Variants in MCUB observed in about 807,000 individuals in gnomAD.
MCUB encodes the protein mitochondrial calcium uniporter dominant negative subunit beta.
A neutral mutation model predicts 41.4 loss-of-function variants in MCUB; 46 were observed. The observed-to-expected ratio is 1.11, with a 90% CI of 0.88 to 1.42. The LOEUF (loss-of-function observed/expected upper bound fraction) is 1.42, where lower values mean the gene tolerates loss of function less well. Ranked by LOEUF, MCUB falls within the 40% of genes most tolerant of loss-of-function variation. MCUB has a pLI of 0.00. For synonymous variants in MCUB, 148 were observed against 148.2 expected (o/e 1.00, Z 0.01); for missense variants, 403 against 404.9 (o/e 1.00, Z 0.04).
intron 1 of MCUB, among the ~76,000 whole-genome samples, chr4:109,658,169 G>C (rs1453973197): frequency 6.6e-6 from 1 of 152,200 alleles, no homozygotes; most frequent in Non-Finnish European, 1.5e-5. Context: ...CATTTAACAA[G>C]TGTCTACCAT....
intron 1 of MCUB, among the ~76,000 whole-genome samples, chr4:109,653,105 G>A (rs1420582783): frequency 6.6e-6 from 1 of 152,194 alleles, no homozygotes; most frequent in African/African-American, 2.4e-5. Context: ...GGCTGGGTGT[G>A]GTGGCTCACG....
At chr4:109,598,162 G>T (rs961802292) in intron 1 of MCUB, among the ~76,000 whole-genome samples, 1 of 148,526 alleles carries the variant, frequency 6.7e-6, no homozygotes, top group Non-Finnish European at 1.5e-5. Flanking sequence ...GGGCAGCCAG[G>T]CAGAGACGCT....
intron 4 of MCUB, among the ~76,000 whole-genome samples, chr4:109,669,501 C>A (rs1729410334): frequency 6.6e-6 from 1 of 151,648 alleles, no homozygotes; most frequent in Non-Finnish European, 1.5e-5. Flanking sequence ...GTGTAGTTTT[C>A]TCTTGGCATT....
intron 7 of MCUB, 32 bp from the exon 8 acceptor site, chr4:109,687,483 T>C (rs1414403486): frequency 6.7e-7 from 1 of 1,485,760 alleles, no homozygotes; most frequent in East Asian, 2.3e-5. Context: ...CTCTTCTTTC[T>C]GATCACATGC....
chr4:109,638,219 TG>T lies in MCUB; in HGVS notation c.100-20790del, dbSNP rs370221708. On this transcript the variant is annotated intron_variant, in intron 1 of 7. Transcript: ENST00000394650. ...AAAAAATACAAAAATTAGCTGGACA[TG>T]GTGGCGCATGCCTGTAGTCCCAATT... Among the ~76,000 whole-genome samples, 10 of 152,122 alleles carry T rather than the reference TG, an allele frequency of 6.6e-5. No individual in the cohort carries two copies. The East Asian group carries it at 1.7e-3, about 27-fold the overall frequency.
chr4:109,618,268 C>A (rs1728173143), intron 1 of MCUB, among the ~76,000 whole-genome samples: 1 of 152,182 alleles, frequency 6.6e-6, no homozygotes, highest in African/African-American at 2.4e-5. Flanking sequence ...CTGAGGACAA[C>A]CCTCAAATGG....
At chr4:109,597,622 G>A (rs1344260097) in intron 1 of MCUB, among the ~76,000 whole-genome samples, 11 of 144,028 alleles carry the variant, frequency 7.6e-5, no homozygotes, top group South Asian at 2.2e-4. Context: ...TGGGGCAGCT[G>A]GCCGGGCGGG....
intron 1 of MCUB, among the ~76,000 whole-genome samples, chr4:109,573,792 A>G (rs1414177437): frequency 1.3e-5 from 2 of 152,044 alleles, no homozygotes; most frequent in Non-Finnish European, 2.9e-5. Flanking sequence ...ACACTAACAA[A>G]GCTGGACAGG....
At chr4:109,570,576 G>T (rs1726891452) in intron 1 of MCUB, among the ~76,000 whole-genome samples, 1 of 152,224 alleles carries the variant, frequency 6.6e-6, no homozygotes, top group African/African-American at 2.4e-5. Flanking sequence ...AAGCATGGTT[G>T]TGTTCCAATA....
chr4:109,561,235 G>C (rs1726621948), intron 1 of MCUB, among the ~76,000 whole-genome samples: 1 of 152,184 alleles, frequency 6.6e-6, no homozygotes, highest in African/African-American at 2.4e-5. Context: ...TGGTTGGGGA[G>C]GGAGCTGTTT....
At chr4:109,608,250 A>G (rs1159776837) in intron 1 of MCUB, among the ~76,000 whole-genome samples, 1 of 151,984 alleles carries the variant, frequency 6.6e-6, no homozygotes, top group Non-Finnish European at 1.5e-5. Context: ...AAATCATTTC[A>G]ATCTTTTTGT....
rs946957290 is a variant in MCUB at position 109,560,295 on chromosome 4, G to T, written c.-43G>T. 3 of 1,016,968 alleles carry T rather than the reference G, an allele frequency of 2.9e-6. No individual in the cohort carries two copies. Among genetic ancestry groups the T allele is most frequent in the East Asian group, 6.7e-5 (2 of 29,956 alleles). The allele number at this position is 1,016,968 out of a possible 1,614,324, so 63.0% of individuals were successfully genotyped here. On this transcript the variant is annotated 5_prime_UTR_variant, in exon 1 of 8. The change abolishes an upstream ATG in the 5' untranslated region. Coordinates refer to ENST00000394650, the MANE Select transcript of MCUB (RefSeq NM_017918.5). ...ACGAGGAGCCCGGCTGAGGGAGGAT[G>T]CGCCGCTGACGCCTGCGGGAGCCGC...
intron 1 of MCUB, among the ~76,000 whole-genome samples, chr4:109,623,597 A>C (rs1728300908): frequency 6.6e-6 from 1 of 152,216 alleles, no homozygotes; most frequent in South Asian, 2.1e-4. Flanking sequence ...CCTGTCAAGA[A>C]CTTAAGGCAT....
rs756420296 is a variant in MCUB at position 109,608,672 on chromosome 4, TG to T, written c.99+48237del. On this transcript the variant is annotated intron_variant, in intron 1 of 7. Coordinates refer to ENST00000394650, the MANE Select transcript of MCUB (RefSeq NM_017918.5). ...CAGCTACTTTTTGTATTATTATTAT[TG>T]TTTTTTTTTTAGAGACAGGGTTTTG... Among the ~76,000 whole-genome samples, 574 of 151,948 alleles carry T rather than the reference TG, an allele frequency of 3.8e-3. 2 individuals are homozygous for T. Among genetic ancestry groups the T allele is most frequent in the Non-Finnish European group, 5.7e-3 (386 of 67,940 alleles).
chr4:109,609,289 G>T (rs1473831209), intron 1 of MCUB, among the ~76,000 whole-genome samples: 1 of 152,212 alleles, frequency 6.6e-6, no homozygotes, highest in Admixed American at 6.5e-5. Context: ...AGGGCTGCTG[G>T]TTGCCCATTT....
chr4:109,577,059 C>G (rs571424342), intron 1 of MCUB, among the ~76,000 whole-genome samples: 67 of 152,254 alleles, frequency 4.4e-4, no homozygotes, highest in African/African-American at 1.4e-3. Context: ...GCCATGTGGG[C>G]CAGGCTGGTC....
chr4:109,617,605 C>T (rs1396005333), intron 1 of MCUB, among the ~76,000 whole-genome samples: 2 of 152,148 alleles, frequency 1.3e-5, no homozygotes, highest in Non-Finnish European at 2.9e-5. Flanking sequence ...GTATCATTGT[C>T]ATGAATCTTT....
rs753270535 is a variant in MCUB, at chr4:109,684,609, C to G, written c.779C>G (p.Ser260Cys). The G allele has an allele frequency of 4.4e-5, 70 of 1,585,018 alleles. No homozygotes were observed. The highest frequency in any genetic ancestry group is 6.1e-5 in the Non-Finnish European group (70 of 1,153,910). Residue 260 changes from serine (S) to cysteine (C), a missense_variant, in exon 6 of 8, where the codon TCT (serine) becomes TGT (cysteine). Ser to Cys is a moderately radical substitution (Grantham distance 112). Coordinates refer to ENST00000394650, the MANE Select transcript of MCUB (RefSeq NM_017918.5). ...PVTYFITFAN[S>C]MVFFAYFIVT... ...ACATACTTCATCACATTTGCAAATT[C>G]TATGGTCTTTTTTGCATACTTTATA...
intron 1 of MCUB, among the ~76,000 whole-genome samples, chr4:109,630,457 A>G (rs1387282043): frequency 6.6e-6 from 1 of 152,122 alleles, no homozygotes; most frequent in Non-Finnish European, 1.5e-5. Flanking sequence ...GTGAGACCCC[A>G]TCTCTAAAAA....
Sources: gnomAD v4.1 joint callset for allele counts (sites outside exome capture counted in the v4.1 genomes callset) on GRCh38, gnomAD v4.1.1 for gene constraint, MANE v1.5 for transcripts, NCBI Gene and HGNC (gene_info 2026-07-23, HGNC 2026-07-21) for gene names.